FBLN7: variants seen among roughly 807,000 people sequenced by gnomAD.
FBLN7 encodes fibulin-7.
A neutral mutation model predicts 44.0 loss-of-function variants in FBLN7; 31 were observed. The ratio of observed to expected loss-of-function variants is 0.70; its 90% CI spans 0.53 to 0.95. The LOEUF (loss-of-function observed/expected upper bound fraction) is 0.95, where lower values mean the gene tolerates loss of function less well. Among genes scored for constraint, FBLN7 ranks in the 40% least tolerant of loss-of-function variants. The probability of loss-of-function intolerance (pLI) is 0.00; values close to 1 mark genes in which losing one functional copy is unlikely to be tolerated. For missense variants in FBLN7, 573 were observed against 618.5 expected (o/e 0.93, Z 0.78); for synonymous variants, 262 against 253.4 (o/e 1.03, Z -0.32).
At chr2:112,159,940 A>G (rs141789202) in intron 2 of FBLN7, 105 bp downstream of exon 2, 20,999 of 851,214 alleles carry the variant, frequency 0.025, 300 homozygotes, top group Non-Finnish European at 0.028. Flanking sequence ...CCCTTCCCCC[A>G]TCACCTTCCA....
chr2:112,194,532 G>A, the FBLN7 span, among the ~76,000 whole-genome samples: 3 of 152,160 alleles, frequency 2.0e-5, no homozygotes, highest in Non-Finnish European at 2.9e-5. Flanking sequence ...TGGAAGCTAC[G>A]TGGCCTTTTA....
chr2:112,207,560 T>A, the FBLN7 span, among the ~76,000 whole-genome samples: 1 of 152,122 alleles, frequency 6.6e-6, no homozygotes, highest in Non-Finnish European at 1.5e-5. Flanking sequence ...TGTTGCTCAG[T>A]TCTTCTATAT....
chr2:112,188,256 C>T (rs1374067991), downstream of FBLN7: 15 of 152,252 alleles, frequency 9.9e-5, no homozygotes, highest in Admixed American at 9.8e-4. Flanking sequence ...AGCCCACTTC[C>T]TTCTAGGAGG....
At chr2:112,197,203 C>G in the FBLN7 span, among the ~76,000 whole-genome samples, 1 of 135,988 alleles carries the variant, frequency 7.4e-6, no homozygotes, top group Non-Finnish European at 1.5e-5. Context: ...AAGATGGAAT[C>G]ATCATACAAT....
chr2:112,166,514 GGTT>G lies in FBLN7; in HGVS notation c.406+1344_406+1346del, dbSNP rs373387434. Among the ~76,000 whole-genome samples, 31 of 152,270 alleles carry G rather than the reference GGTT, an allele frequency of 2.0e-4. 1 individual carries two copies. The highest frequency in any genetic ancestry group is 7.2e-4 in the African/African-American group (30 of 41,558). On this transcript the variant is annotated intron_variant, in intron 3 of 7. Transcript: ENST00000331203. ...CCTGACCCCTGGAAAGAGTGATGAT[GGTT>G]CAAAGGTTGATGACTGGCTCTCAGA...
At chr2:112,240,880 CTTTT>C in the FBLN7 span, among the ~76,000 whole-genome samples, 1 of 151,444 alleles carries the variant, frequency 6.6e-6, no homozygotes, top group Non-Finnish European at 1.5e-5. Context: ...GTCTAAATAA[CTTTT>C]TTTATTCAAG....
chr2:112,183,833 C>G (rs1683118612), intron 6 of FBLN7, among the ~76,000 whole-genome samples: 2 of 152,002 alleles, frequency 1.3e-5, no homozygotes, highest in Admixed American at 1.3e-4. Context: ...TGGGAGGCAC[C>G]TAAGAGATTA....
chr2:112,139,288 T>TCCCTCCCGCCTCTCTCCAGGC (rs1680518418), intron 1 of FBLN7, among the ~76,000 whole-genome samples: 1 of 592 alleles, frequency 1.7e-3, no homozygotes, highest in Non-Finnish European at 3.2e-3. Flanking sequence ...TCTCTCCAGG[T>TCCCTCCCGCCTCTCTCCAGGC]CAGCGTCCCT....
intron 2 of FBLN7, among the ~76,000 whole-genome samples, chr2:112,161,587 T>C (rs141016952): frequency 1.3e-5 from 2 of 152,318 alleles, no homozygotes; most frequent in East Asian, 3.9e-4. Flanking sequence ...CTTGTTTTCA[T>C]GGGGTCAGAG....
At chr2:112,224,889 T>C in the FBLN7 span, among the ~76,000 whole-genome samples, 1 of 152,204 alleles carries the variant, frequency 6.6e-6, no homozygotes, top group African/African-American at 2.4e-5. Flanking sequence ...TATTTATTGA[T>C]TGTGGTGGTA....
At chr2:112,206,413 C>A in the FBLN7 span, among the ~76,000 whole-genome samples, 1 of 152,106 alleles carries the variant, frequency 6.6e-6, no homozygotes, top group Non-Finnish European at 1.5e-5. Context: ...TTTCATTGAT[C>A]TCTACAGTTG....
chr2:112,215,554 T>A, the FBLN7 span: 1 of 152,248 alleles, frequency 6.6e-6, no homozygotes, highest in East Asian at 1.9e-4. Context: ...TTTGGTGTAC[T>A]CTGTATGTCC....
chr2:112,160,823 AGCACGCATACAC>A lies in FBLN7; in HGVS notation c.235+996_235+1007del, dbSNP rs974584567. Among the ~76,000 whole-genome samples the A allele has an allele frequency of 2.0e-4, 27 of 132,442 alleles. No individual in the cohort carries two copies. The South Asian group carries it at 6.2e-3, about 30-fold the overall frequency. The allele number at this position is 132,442 out of a possible 152,430, so 86.9% of individuals were successfully genotyped here. A position where few individuals can be genotyped will look rare whatever the true frequency, so the allele number is the denominator to read the frequency against. On this transcript the variant is annotated intron_variant, in intron 2 of 7. Transcript: ENST00000331203. ...ACGCACGCACACACACGCACACACA[AGCACGCATACAC>A]GCACGCACACGCGCACACACACACA... is the stretch of plus-strand genomic sequence containing the variant.
At chr2:112,237,579 AT>A in the FBLN7 span, among the ~76,000 whole-genome samples, 68,038 of 145,524 alleles carry the variant, frequency 0.47, 15,893 homozygotes, top group Middle Eastern at 0.61. Flanking sequence ...TAAAATTTTA[AT>A]TTTTTTTTTT....
the FBLN7 span, among the ~76,000 whole-genome samples, chr2:112,243,000 G>C: frequency 6.6e-6 from 1 of 152,158 alleles, no homozygotes; most frequent in African/African-American, 2.4e-5. Context: ...TGGCCTTTTG[G>C]CAAGAACAGC....
At chr2:112,182,180 C>A in intron 5 of FBLN7, among the ~76,000 whole-genome samples, 1 of 152,176 alleles carries the variant, frequency 6.6e-6, no homozygotes, top group Non-Finnish European at 1.5e-5. Flanking sequence ...ATCACGTCTA[C>A]GGGTGGCAAG....
chr2:112,147,963 G>A (rs1310921134), intron 1 of FBLN7, among the ~76,000 whole-genome samples: 7 of 152,152 alleles, frequency 4.6e-5, no homozygotes, highest in Non-Finnish European at 7.4e-5. Flanking sequence ...GAGGAAGTGA[G>A]AGGAGGAAAG....
rs554769048 is a variant in FBLN7 at position 112,150,795 on chromosome 2, A to G, written c.76-8881A>G. Among the ~76,000 whole-genome samples the G allele has an allele frequency of 2.0e-5, 3 of 152,356 alleles. No individual in the cohort carries two copies. The South Asian group carries it at 6.2e-4, about 32-fold the overall frequency. On this transcript the variant is annotated intron_variant, in intron 1 of 7. Coordinates refer to ENST00000331203, the MANE Select transcript of FBLN7 (RefSeq NM_153214.3). Reference sequence around the variant, plus strand: ...TGAATAATATTCAAAGACCAGGTCCATAACAAATGCTAAATACGTGACAGG... The same window carrying G: ...TGAATAATATTCAAAGACCAGGTCCGTAACAAATGCTAAATACGTGACAGG...
the FBLN7 span, among the ~76,000 whole-genome samples, chr2:112,204,822 C>G: frequency 6.6e-6 from 1 of 151,970 alleles, no homozygotes; most frequent in Non-Finnish European, 1.5e-5. Context: ...TAGGCTGATA[C>G]AAAAGAACAC....
Sources: gnomAD v4.1 joint callset for allele counts (sites outside exome capture counted in the v4.1 genomes callset) on GRCh38, gnomAD v4.1.1 for gene constraint, MANE v1.5 for transcripts, NCBI Gene and HGNC (gene_info 2026-07-23, HGNC 2026-07-21) for gene names.